PCCB: variants seen among roughly 807,000 people sequenced by gnomAD.
PCCB encodes propionyl-CoA carboxylase subunit beta, also known as propionyl-CoA carboxylase beta chain, mitochondrial.
In PCCB, 43 loss-of-function variants were observed where a neutral mutation model predicts 60.7. The observed-to-expected ratio is 0.71, with a 90% CI of 0.55 to 0.91. PCCB has a LOEUF of 0.91. Ranked by LOEUF, PCCB falls within the 40% of genes least tolerant of loss-of-function variation. The probability of loss-of-function intolerance (pLI) is 0.00; values close to 1 mark genes in which losing one functional copy is unlikely to be tolerated. For missense variants in PCCB, 766 were observed against 702.8 expected (o/e 1.09, Z -1.02); for synonymous variants, 276 against 255.9 (o/e 1.08, Z -0.75).
intron 11 of PCCB, 51 bp downstream of exon 11, chr3:136,326,961 T>G (rs1576360237): frequency 1.6e-6 from 2 of 1,272,526 alleles, no homozygotes; most frequent in Non-Finnish European, 2.3e-6. Context: ...CCCAGTAAGG[T>G]GCCCACTTTA....
chr3:136,260,106 C>A, intron 3 of PCCB: 3 of 360,850 alleles, frequency 8.3e-6, no homozygotes, highest in East Asian at 7.2e-5. Flanking sequence ...CAGGGTCTTG[C>A]TCTGTTGCAT....
At chr3:136,296,931 C>T (rs556243167) in intron 7 of PCCB, among the ~76,000 whole-genome samples, 96 of 152,346 alleles carry the variant, frequency 6.3e-4, no homozygotes, top group African/African-American at 2.3e-3. Flanking sequence ...AGAAAGACAC[C>T]TGCCCATATG....
In PCCB at chr3:136,330,139, A is replaced by T. The variant is rs1935489053; in HGVS notation, c.*113A>T. 2.6e-6 allele frequency: 4 copies of T among 1,566,918 alleles called. No homozygotes were observed. In the Admixed American group the frequency reaches 6.8e-5, roughly 27 times the overall value. On this transcript the variant is annotated 3_prime_UTR_variant, in exon 15 of 15. Coordinates refer to ENST00000251654, the MANE Select transcript of PCCB (RefSeq NM_000532.5). ...AATCCAAATAGTTGGATAACTTAGA[A>T]TAACTAAGTTTATTAAATTCTAGAA...
intron 6 of PCCB, among the ~76,000 whole-genome samples, chr3:136,290,404 T>A (rs887871732): frequency 6.6e-6 from 1 of 152,226 alleles, no homozygotes. Context: ...TTATTATTTT[T>A]GGTCCTCTAT....
chr3:136,298,873 C>T (rs997033804), intron 8 of PCCB, among the ~76,000 whole-genome samples: 28 of 152,222 alleles, frequency 1.8e-4, no homozygotes, highest in Admixed American at 1.4e-3. Context: ...TATCCTGTAG[C>T]TTAAACCTGG....
At chr3:136,312,945 G>C (rs1169666095) in intron 9 of PCCB, among the ~76,000 whole-genome samples, 1 of 152,150 alleles carries the variant, frequency 6.6e-6, no homozygotes, top group Admixed American at 6.5e-5. Context: ...ACCACGGATA[G>C]ATAGCTCACA....
At chr3:136,257,443 G>A (rs1941702470) in intron 3 of PCCB, among the ~76,000 whole-genome samples, 2 of 152,160 alleles carry the variant, frequency 1.3e-5, no homozygotes, top group Admixed American at 6.5e-5. Flanking sequence ...ATCCTGTGTA[G>A]CGCTTCTAAA....
chr3:136,261,460 A>C (rs967358118), intron 4 of PCCB, among the ~76,000 whole-genome samples: 2 of 152,222 alleles, frequency 1.3e-5, no homozygotes, highest in African/African-American at 4.8e-5. Context: ...GGACTGTAGG[A>C]ATATTGCTTA....
chr3:136,265,056 TG>T (rs1941949732), intron 5 of PCCB, among the ~76,000 whole-genome samples: 1 of 151,764 alleles, frequency 6.6e-6, no homozygotes, highest in Admixed American at 6.6e-5. Flanking sequence ...TAGGCGGGCG[TG>T]ATGGCGAGCG....
intron 5 of PCCB, among the ~76,000 whole-genome samples, chr3:136,263,253 G>GAT (rs1489595171): frequency 8.6e-5 from 2 of 23,328 alleles, no homozygotes; most frequent in African/African-American, 3.1e-4. Context: ...GCGCCCAGCT[G>GAT]GTTTTTTTTT....
chr3:136,307,258 C>G (rs1240296909), intron 9 of PCCB, among the ~76,000 whole-genome samples: 1 of 82,908 alleles, frequency 1.2e-5, no homozygotes, highest in Non-Finnish European at 3.0e-5. Flanking sequence ...CAAGAGGTAG[C>G]TGGAGAAATT....
At chr3:136,268,102 A>ATATATATATG (rs1942075914) in intron 5 of PCCB, among the ~76,000 whole-genome samples, 2 of 117,622 alleles carry the variant, frequency 1.7e-5, no homozygotes, top group African/African-American at 7.2e-5. Flanking sequence ...ATATATATAT[A>ATATATATATG]TATATATATA....
chr3:136,327,778 C>G (rs757439855), intron 13 of PCCB, 46 bp downstream of exon 13: 3 of 1,442,694 alleles, frequency 2.1e-6, no homozygotes, highest in South Asian at 1.1e-5. Flanking sequence ...GGACTCGACT[C>G]TACCAGCGAG....
At chr3:136,307,833 G>A (rs1459173178) in intron 9 of PCCB, among the ~76,000 whole-genome samples, 1 of 152,038 alleles carries the variant, frequency 6.6e-6, no homozygotes, top group African/African-American at 2.4e-5. Context: ...AAATTAGCCA[G>A]GTGTGGTGGC....
At chr3:136,298,327 T>A (rs932260139) in intron 8 of PCCB, among the ~76,000 whole-genome samples, 4 of 149,960 alleles carry the variant, frequency 2.7e-5, no homozygotes, top group African/African-American at 1.0e-4. Flanking sequence ...TAAAGAAAAA[T>A]TTTTTGATTT....
intron 5 of PCCB, among the ~76,000 whole-genome samples, chr3:136,281,389 G>A (rs2108177978): frequency 6.7e-6 from 1 of 150,294 alleles, no homozygotes; most frequent in Admixed American, 6.7e-5. Context: ...GCTTAAGTCT[G>A]CTGTTGAACC....
At chr3:136,267,845 C>G (rs1942046813) in intron 5 of PCCB, among the ~76,000 whole-genome samples, 1 of 149,224 alleles carries the variant, frequency 6.7e-6, no homozygotes, top group Non-Finnish European at 1.5e-5. Context: ...ATCAAGTTTT[C>G]TTTTGTGGGT....
intron 1 of PCCB, among the ~76,000 whole-genome samples, chr3:136,254,783 A>C (rs948934369): frequency 2.1e-5 from 3 of 144,262 alleles, no homozygotes; most frequent in Non-Finnish European, 4.6e-5. Context: ...TGCTCGTCTC[A>C]GCCTCCCAAA....
intron 5 of PCCB, among the ~76,000 whole-genome samples, chr3:136,279,819 C>A (rs896604473): frequency 3.9e-5 from 6 of 152,112 alleles, no homozygotes; most frequent in African/African-American, 1.4e-4. Context: ...AGGCGCGCAC[C>A]ACCATGCCTG....
Sources: allele counts gnomAD v4.1 joint callset (sites outside exome capture counted in the v4.1 genomes callset), GRCh38; gene constraint gnomAD v4.1.1; transcripts MANE v1.5; gene names NCBI Gene and HGNC (gene_info 2026-07-23, HGNC 2026-07-21).